ZNF680: variants seen among roughly 807,000 people sequenced by gnomAD.
The protein encoded by ZNF680 is zinc finger protein 680.
A neutral mutation model predicts 12.1 loss-of-function variants in ZNF680; 6 were observed. The ratio of observed to expected loss-of-function variants is 0.49; its 90% CI spans 0.27 to 0.98. The LOEUF (loss-of-function observed/expected upper bound fraction) is 0.98. ZNF680 is among the 50% of genes least tolerant of loss of function. The pLI, the probability that ZNF680 is intolerant of heterozygous loss-of-function variation, is 0.12. For synonymous variants in ZNF680, 170 were observed against 199.3 expected (o/e 0.85, Z 1.24); for missense variants, 561 against 616.3 (o/e 0.91, Z 0.95).
At chr7:64,503,627 C>A in the ZNF680 span, among the ~76,000 whole-genome samples, 1 of 152,148 alleles carries the variant, frequency 6.6e-6, no homozygotes, top group East Asian at 1.9e-4. Flanking sequence ...GCGATCCGCC[C>A]ACCTTGCCTC....
At chr7:64,553,156 G>A (rs1787175969) in intron 1 of ZNF680, among the ~76,000 whole-genome samples, 1 of 151,220 alleles carries the variant, frequency 6.6e-6, no homozygotes, top group African/African-American at 2.4e-5. Context: ...TATGATTGTA[G>A]GTTGTCTACA....
At chr7:64,512,199 C>T in the ZNF680 span, among the ~76,000 whole-genome samples, 2 of 151,874 alleles carry the variant, frequency 1.3e-5, no homozygotes, top group Admixed American at 1.3e-4. Flanking sequence ...CCTGTAATCC[C>T]AGCACTTTGG....
intron 1 of ZNF680, among the ~76,000 whole-genome samples, chr7:64,555,621 C>A (rs1787368287): frequency 6.6e-6 from 1 of 151,602 alleles, no homozygotes; most frequent in Non-Finnish European, 1.5e-5. Context: ...AGCAAACCAA[C>A]CCCTAAGCTA....
At chr7:64,543,671 G>T in intron 3 of ZNF680, 36 bp downstream of exon 3, 1 of 1,540,420 alleles carries the variant, frequency 6.5e-7, no homozygotes, top group Non-Finnish European at 8.9e-7. Context: ...CCTCTCATCT[G>T]TGTCATCTGT....
chr7:64,561,463 G>A (rs1787728703), intron 1 of ZNF680, among the ~76,000 whole-genome samples: 1 of 152,100 alleles, frequency 6.6e-6, no homozygotes, highest in Non-Finnish European at 1.5e-5. Context: ...ATTCTGATAA[G>A]ATCTCTGTGC....
chr7:64,517,511 C>T (rs546925634), downstream of ZNF680, among the ~76,000 whole-genome samples: 3 of 151,994 alleles, frequency 2.0e-5, no homozygotes, highest in South Asian at 6.3e-4. Context: ...AGAATTCTAC[C>T]CAACATTAAA....
At chr7:64,558,838 C>T (rs1584414280) in intron 1 of ZNF680, among the ~76,000 whole-genome samples, 1 of 150,562 alleles carries the variant, frequency 6.6e-6, no homozygotes. Context: ...GAGGACACAC[C>T]GGGGAGAAAG....
At chr7:64,530,004 C>T (rs568917655) in intron 3 of ZNF680, among the ~76,000 whole-genome samples, 104 of 152,274 alleles carry the variant, frequency 6.8e-4, no homozygotes, top group African/African-American at 2.3e-3. Context: ...TCTTCAGCCT[C>T]CTCAAACAAA....
At chr7:64,516,322 G>C (rs954714813), downstream of ZNF680, among the ~76,000 whole-genome samples, 3 of 152,044 alleles carry the variant, frequency 2.0e-5, no homozygotes, top group Admixed American at 2.0e-4. Flanking sequence ...AACTACTCTA[G>C]GAATATACCA....
At chr7:64,534,559 G>C (rs1786058226) in intron 3 of ZNF680, among the ~76,000 whole-genome samples, 1 of 152,130 alleles carries the variant, frequency 6.6e-6, no homozygotes, top group African/African-American at 2.4e-5. Flanking sequence ...CTACACTGCT[G>C]GTGGGAATGT....
chr7:64,512,046 C>G, the ZNF680 span, among the ~76,000 whole-genome samples: 1 of 145,996 alleles, frequency 6.8e-6, no homozygotes, highest in Non-Finnish European at 1.5e-5. Context: ...AAGACAAGAG[C>G]AAGACTTGGT....
the ZNF680 span, among the ~76,000 whole-genome samples, chr7:64,499,465 T>G: frequency 6.6e-6 from 1 of 152,138 alleles, no homozygotes; most frequent in African/African-American, 2.4e-5. Context: ...AAAATACAGG[T>G]AAGACAGCTC....
At chr7:64,513,096 CT>C in the ZNF680 span, among the ~76,000 whole-genome samples, 3 of 152,036 alleles carry the variant, frequency 2.0e-5, no homozygotes, top group African/African-American at 7.2e-5. Flanking sequence ...GTATGTGCCC[CT>C]AACTATGCTA....
chr7:64,532,312 AAAAAG>A (rs1785930941), intron 3 of ZNF680, among the ~76,000 whole-genome samples: 1 of 152,086 alleles, frequency 6.6e-6, no homozygotes, highest in African/African-American at 2.4e-5. Context: ...CTCAAAAAAA[AAAAAG>A]AAAAGAAGAG....
chr7:64,553,406 T>C lies in ZNF680; in HGVS notation c.31-8974A>G, dbSNP rs73357505. Among the ~76,000 whole-genome samples the C allele has an allele frequency of 9.7e-3, 1,468 of 151,806 alleles. 25 individuals carry two copies. Among genetic ancestry groups the C allele is most frequent in the African/African-American group, 0.034 (1,409 of 41,390 alleles). ...CCTTCCTTATTTTCAGGTAGGAGAA[T>C]AGAGCCTCTTATTTTTATTTTCTCC... On this transcript the variant is annotated intron_variant, in intron 1 of 3. Transcript: ENST00000309683.
chr7:64,523,676 G>A (rs1174888490), intron 3 of ZNF680, among the ~76,000 whole-genome samples: 1 of 152,110 alleles, frequency 6.6e-6, no homozygotes, highest in Non-Finnish European at 1.5e-5. Flanking sequence ...CACTTTGGGA[G>A]GCCGAGGCGG....
At chr7:64,555,913 T>C (rs1787389802) in intron 1 of ZNF680, among the ~76,000 whole-genome samples, 2 of 151,734 alleles carry the variant, frequency 1.3e-5, no homozygotes, top group Admixed American at 1.3e-4. Context: ...GCACACAAAC[T>C]AGAAAATAGA....
At chr7:64,539,364 AAAAAAAAAAAAG>A (rs993366301) in intron 3 of ZNF680, among the ~76,000 whole-genome samples, 13 of 144,440 alleles carry the variant, frequency 9.0e-5, no homozygotes, top group Middle Eastern at 3.4e-3. Context: ...AAAAAAAAAA[AAAAAAAAAAAAG>A]AAAAGAAAAT....
At chr7:64,504,049 C>G in the ZNF680 span, among the ~76,000 whole-genome samples, 4 of 152,022 alleles carry the variant, frequency 2.6e-5, no homozygotes, top group Admixed American at 6.6e-5. Flanking sequence ...CAAAAGATAG[C>G]AAATATACAG....
Sources: gnomAD v4.1 joint callset for allele counts (sites outside exome capture counted in the v4.1 genomes callset) on GRCh38, gnomAD v4.1.1 for gene constraint, MANE v1.5 for transcripts, NCBI Gene and HGNC (gene_info 2026-07-23, HGNC 2026-07-21) for gene names.